The following PM20D2 variants were observed in gnomAD, a reference collection of about 807,000 sequenced individuals.
PM20D2 encodes peptidase M20 domain containing 2.
PM20D2 carries 33 observed loss-of-function variants against 42.9 expected under a neutral mutation model. The observed-to-expected ratio is 0.77, with a 90% CI of 0.58 to 1.03. PM20D2 has a LOEUF of 1.03. PM20D2 is among the 50% of genes least tolerant of loss of function. The pLI, the probability that PM20D2 is intolerant of heterozygous loss-of-function variation, is 0.00. For missense variants in PM20D2, 548 were observed against 557.0 expected, an observed-to-expected ratio of 0.98 and a Z score of 0.16; for synonymous variants, 250 against 228.2, an observed-to-expected ratio of 1.10 and a Z score of -0.86.
chr6:89,133,175 G>T, the PM20D2 span, among the ~76,000 whole-genome samples: 1 of 150,518 alleles, frequency 6.6e-6, no homozygotes, highest in South Asian at 2.1e-4. Context: ...GTTGCAGTGA[G>T]CTATCATCAT....
intron 1 of PM20D2, among the ~76,000 whole-genome samples, chr6:89,148,979 G>GT (rs1656396671): frequency 6.6e-6 from 1 of 152,164 alleles, no homozygotes; most frequent in African/African-American, 2.4e-5. Flanking sequence ...GACTAAACTT[G>GT]TAGTATTTTT....
intron 5 of PM20D2, among the ~76,000 whole-genome samples, chr6:89,159,582 G>C (rs1374758720): frequency 1.3e-5 from 2 of 152,208 alleles, no homozygotes; most frequent in African/African-American, 4.8e-5. Context: ...TTTTTCAAGA[G>C]AGTTAGCTTT....
At position 89,149,911 on chromosome 6, in the gene PM20D2, G is replaced by A. The variant is rs79903410; in HGVS notation, c.614+498G>A. 3.8e-3 allele frequency among the ~76,000 whole-genome samples: 577 copies of A among 152,284 alleles called. 2 individuals are homozygous for A. Among genetic ancestry groups the A allele is most frequent in the Middle Eastern group, 0.017 (5 of 294 alleles). The stretch of plus-strand genomic sequence containing the variant: ...GGAACTTCTCATTCTGTGCTTTTCC[G>A]ATTTGTCTGGTGCTGAAACCTTTTA... On this transcript the variant is annotated intron_variant, in intron 2 of 6. Transcript: ENST00000275072.
At position 89,149,419 on chromosome 6, in the gene PM20D2, T is replaced by C. The variant is rs750206651; in HGVS notation, c.614+6T>C. 1.9e-5 allele frequency: 30 copies of C among 1,612,794 alleles called. No homozygotes were observed. Among genetic ancestry groups the C allele is most frequent in the Non-Finnish European group, 2.5e-5 (29 of 1,179,554 alleles). ...CCAGATATGGCTGAACATGAGTGAGTAATCAAGTTGAAGATAAACTTCTTA... is the reference window on the plus strand; with the variant it reads ...CCAGATATGGCTGAACATGAGTGAGCAATCAAGTTGAAGATAAACTTCTTA... On this transcript the variant is annotated splice_donor_region_variant and intron_variant, in intron 2 of 6. Coordinates refer to ENST00000275072, the MANE Select transcript of PM20D2 (RefSeq NM_001010853.3).
At chr6:89,156,744 A>T (rs1294381101) in intron 4 of PM20D2, among the ~76,000 whole-genome samples, 1 of 152,190 alleles carries the variant, frequency 6.6e-6, no homozygotes, top group Non-Finnish European at 1.5e-5. Context: ...CATGGGAAAG[A>T]CAGAGACTGA....
chr6:89,162,406 CAT>C lies in PM20D2; in HGVS notation c.*146_*147del, dbSNP rs1204722183. ...AAGTGAGGACAGGGTGTGGAGAAAA[CAT>C]ATTAATTACCTCATATCTAAAGTGA... On this transcript the variant is annotated 3_prime_UTR_variant, in exon 7 of 7. Coordinates refer to ENST00000275072, the MANE Select transcript of PM20D2 (RefSeq NM_001010853.3). The C allele has an allele frequency of 5.9e-6, 5 of 844,070 alleles. No homozygotes were observed. The highest frequency in any genetic ancestry group is 8.7e-6 in the Non-Finnish European group (5 of 573,726). 52.3% of individuals were successfully genotyped at this position (844,070 alleles called of 1,614,324 possible). A position where few individuals can be genotyped will look rare whatever the true frequency, so the allele number is the denominator to read the frequency against.
chr6:89,162,629 AT>A lies in PM20D2; in HGVS notation c.*371del. Reference sequence around the variant, plus strand: ...TTTGTAAGCCTTAAATGTTATGTGTATTTTTAAAAGCTTAAGAGATTTCAAA... The same window carrying A: ...TTTGTAAGCCTTAAATGTTATGTGTATTTTAAAAGCTTAAGAGATTTCAAA... On this transcript the variant is annotated 3_prime_UTR_variant, in exon 7 of 7. Transcript: ENST00000275072. 1 of 164,154 alleles carries A rather than the reference AT, an allele frequency of 6.1e-6. No homozygotes were observed. 10.2% of individuals were successfully genotyped at this position (164,154 alleles called of 1,614,324 possible). A position where few individuals can be genotyped will look rare whatever the true frequency, so the allele number is the denominator to read the frequency against.
At chr6:89,117,946 C>T in the PM20D2 span, 2 of 1,506,184 alleles carry the variant, frequency 1.3e-6, no homozygotes, top group East Asian at 5.8e-5. Context: ...CTCCGTCTCC[C>T]GCTACCGCTG....
intron 5 of PM20D2, 151 bp downstream of exon 5, chr6:89,158,611 T>A: frequency 1.3e-6 from 1 of 798,270 alleles, no homozygotes; most frequent in Non-Finnish European, 1.9e-6. Context: ...GGAAAGAAAC[T>A]AATGGACTCT....
intron 5 of PM20D2, among the ~76,000 whole-genome samples, chr6:89,159,271 C>G (rs1279604162): frequency 6.6e-6 from 1 of 152,108 alleles, no homozygotes; most frequent in Non-Finnish European, 1.5e-5. Context: ...TCCCAGAGAT[C>G]AGACATTGGC....
chr6:89,157,524 A>C (rs1229667448), intron 4 of PM20D2, among the ~76,000 whole-genome samples: 1 of 152,176 alleles, frequency 6.6e-6, no homozygotes, highest in African/African-American at 2.4e-5. Context: ...CCTCATTGCA[A>C]ATCTTCTACA....
the PM20D2 span, among the ~76,000 whole-genome samples, chr6:89,118,970 G>A: frequency 3.3e-5 from 5 of 152,222 alleles, no homozygotes; most frequent in African/African-American, 1.2e-4. Flanking sequence ...GGCACAGCCT[G>A]TTATTCAGGG....
chr6:89,142,848 C>T (rs1028332951), upstream of PM20D2, among the ~76,000 whole-genome samples: 3 of 152,062 alleles, frequency 2.0e-5, no homozygotes, highest in Non-Finnish European at 2.9e-5. Context: ...TTAGTAGAGA[C>T]GGGGTTTCAC....
At chr6:89,123,589 G>C in the PM20D2 span, among the ~76,000 whole-genome samples, 3 of 151,768 alleles carry the variant, frequency 2.0e-5, no homozygotes, top group Non-Finnish European at 4.4e-5. Context: ...GGGCATGGTG[G>C]TGTGTGCCTG....
At chr6:89,117,909 CG>C in the PM20D2 span, 1 of 1,554,614 alleles carries the variant, frequency 6.4e-7, no homozygotes, top group South Asian at 1.2e-5. Context: ...CCGTTCCCTC[CG>C]GGTCTGCCCG....
At chr6:89,102,664 C>T in the PM20D2 span, among the ~76,000 whole-genome samples, 2 of 152,138 alleles carry the variant, frequency 1.3e-5, no homozygotes, top group African/African-American at 4.8e-5. Flanking sequence ...TAACACTGTT[C>T]AGGAACATTT....
the PM20D2 span, among the ~76,000 whole-genome samples, chr6:89,109,895 T>A: frequency 1.9e-3 from 286 of 152,174 alleles, 3 homozygotes; most frequent in African/African-American, 6.2e-3. Flanking sequence ...ATCGAGACCA[T>A]CTTGGCTAAG....
At chr6:89,154,515 T>C (rs1168958054) in intron 3 of PM20D2, among the ~76,000 whole-genome samples, 7 of 152,214 alleles carry the variant, frequency 4.6e-5, no homozygotes, top group Non-Finnish European at 4.4e-5. Context: ...TAAATTCTTC[T>C]GAATGAAGTG....
chr6:89,112,326 ATTTGT>A, the PM20D2 span, among the ~76,000 whole-genome samples: 618 of 152,294 alleles, frequency 4.1e-3, 5 homozygotes, highest in Middle Eastern at 0.031. Context: ...TTTTTTAAAA[ATTTGT>A]TTTGTTTTAA....
Sources: allele counts gnomAD v4.1 joint callset (sites outside exome capture counted in the v4.1 genomes callset), GRCh38; gene constraint gnomAD v4.1.1; transcripts MANE v1.5; gene names NCBI Gene and HGNC (gene_info 2026-07-23, HGNC 2026-07-21).